The following SYBU variants were observed in gnomAD, a reference collection of about 807,000 sequenced individuals.
The protein encoded by SYBU is syntabulin, also known as GOLSYN A protein.
A neutral mutation model predicts 35.9 loss-of-function variants in SYBU; 21 were observed. That is an observed-to-expected ratio of 0.58 (90% CI 0.41 to 0.84). SYBU has a LOEUF of 0.84. Among genes scored for constraint, SYBU ranks in the 40% least tolerant of loss-of-function variants. The pLI, the probability that SYBU is intolerant of heterozygous loss-of-function variation, is 0.00. For missense variants in SYBU, 768 were observed against 848.2 expected (o/e 0.91, Z 1.17); for synonymous variants, 319 against 324.3 (o/e 0.98, Z 0.18).
intron 3 of SYBU, among the ~76,000 whole-genome samples, chr8:109,601,176 C>T (rs1825476187): frequency 6.6e-6 from 1 of 152,196 alleles, no homozygotes; most frequent in Admixed American, 6.5e-5. Flanking sequence ...CTGCCAAGAA[C>T]TCTACAGCTG....
chr8:109,596,868 TAATGTATTCCATAGGCAAAAAGA>T (rs1824937387), intron 3 of SYBU, among the ~76,000 whole-genome samples: 1 of 152,238 alleles, frequency 6.6e-6, no homozygotes, highest in Non-Finnish European at 1.5e-5. Context: ...CTACTCTTAA[TAATGTATTCCATAGGCAAAAAGA>T]AATGCTCTGT....
At chr8:109,649,020 G>C (rs1183796958), upstream of SYBU, 1 of 55,310 alleles carries the variant, frequency 1.8e-5, no homozygotes, top group Non-Finnish European at 3.2e-5. Flanking sequence ...TTTTTTTTTG[G>C]AGACAGAGTC....
chr8:109,663,881 A>C (rs1411060458), intron 1 of SYBU, among the ~76,000 whole-genome samples: 3 of 152,180 alleles, frequency 2.0e-5, no homozygotes, highest in Admixed American at 6.5e-5. Context: ...TCAGTGTTAA[A>C]ACTTAAAAGT....
intron 3 of SYBU, among the ~76,000 whole-genome samples, chr8:109,589,761 T>C (rs541034006): frequency 6.6e-6 from 1 of 152,348 alleles, no homozygotes; most frequent in African/African-American, 2.4e-5. Flanking sequence ...ACTAGACTTA[T>C]TTTTAAAGCA....
chr8:109,651,128 G>T (rs1279624597), intron 1 of SYBU, among the ~76,000 whole-genome samples: 4 of 152,210 alleles, frequency 2.6e-5, no homozygotes, highest in African/African-American at 9.6e-5. Flanking sequence ...GCTGCTGGAA[G>T]CCTAGAAGTT....
chr8:109,652,376 A>ACT (rs1183197789), intron 1 of SYBU, among the ~76,000 whole-genome samples: 45 of 122,470 alleles, frequency 3.7e-4, no homozygotes, highest in African/African-American at 2.5e-4. Flanking sequence ...TTCTTTTTCT[A>ACT]CTCTCTCTCT....
intron 1 of SYBU, among the ~76,000 whole-genome samples, chr8:109,661,304 A>G (rs563706088): frequency 6.6e-6 from 1 of 152,240 alleles, no homozygotes; most frequent in Non-Finnish European, 1.5e-5. Context: ...ACTATTGGAC[A>G]TGTAAAAGAA....
At chr8:109,611,530 G>T (rs1197524729) in intron 3 of SYBU, among the ~76,000 whole-genome samples, 1 of 152,164 alleles carries the variant, frequency 6.6e-6, no homozygotes, top group Non-Finnish European at 1.5e-5. Flanking sequence ...AAAATGGCCT[G>T]CCATAAAACA....
chr8:109,589,012 T>C (rs1040267098), intron 3 of SYBU, among the ~76,000 whole-genome samples: 1 of 151,900 alleles, frequency 6.6e-6, no homozygotes, highest in Non-Finnish European at 1.5e-5. Context: ...ATACAAAAAT[T>C]AGCTGGGTGT....
chr8:109,680,840 C>G (rs2130783521), exon 1 of SYBU: 1 of 152,356 alleles, frequency 6.6e-6, no homozygotes, highest in East Asian at 1.9e-4. Flanking sequence ...GCTGTGCCTT[C>G]TCTTTAAAGG....
chr8:109,621,966 G>A (rs1263957744), intron 2 of SYBU, among the ~76,000 whole-genome samples: 1 of 152,160 alleles, frequency 6.6e-6, no homozygotes, highest in Non-Finnish European at 1.5e-5. Context: ...TGAAGAAGAA[G>A]TTATCTTTAC....
chr8:109,579,490 T>A (rs1822759865), intron 5 of SYBU, among the ~76,000 whole-genome samples: 1 of 152,108 alleles, frequency 6.6e-6, no homozygotes, highest in African/African-American at 2.4e-5. Flanking sequence ...AGTGGCGTGA[T>A]CTCGGTTCAC....
intron 3 of SYBU, among the ~76,000 whole-genome samples, chr8:109,611,915 A>C (rs1185814578): frequency 6.6e-6 from 1 of 152,210 alleles, no homozygotes; most frequent in Non-Finnish European, 1.5e-5. Context: ...GGACTGTATC[A>C]GCTAATTTAT....
intron 1 of SYBU, among the ~76,000 whole-genome samples, chr8:109,665,778 G>A (rs1586976360): frequency 6.6e-6 from 1 of 152,080 alleles, no homozygotes; most frequent in African/African-American, 2.4e-5. Flanking sequence ...TCCTCCTGCT[G>A]GTACAGTCTC....
At chr8:109,624,283 C>A (rs1392655472) in intron 2 of SYBU, among the ~76,000 whole-genome samples, 2 of 152,080 alleles carry the variant, frequency 1.3e-5, no homozygotes, top group Non-Finnish European at 2.9e-5. Flanking sequence ...ACGAACAATT[C>A]TTTATATTGA....
chr8:109,593,279 G>T (rs572935342), intron 3 of SYBU, among the ~76,000 whole-genome samples: 4 of 152,178 alleles, frequency 2.6e-5, no homozygotes, highest in Admixed American at 1.3e-4. Flanking sequence ...TCTTCAGTGC[G>T]ATGTGAACAA....
intron 3 of SYBU, among the ~76,000 whole-genome samples, chr8:109,591,230 G>A (rs925936981): frequency 6.6e-6 from 1 of 152,156 alleles, no homozygotes; most frequent in Non-Finnish European, 1.5e-5. Context: ...AGAAAAGTGG[G>A]TATGGCAAGT....
upstream of SYBU, chr8:109,647,774 T>C (rs1815858976): frequency 6.6e-6 from 1 of 152,248 alleles, no homozygotes; most frequent in South Asian, 2.1e-4. Flanking sequence ...ATGTGTTCAG[T>C]GACAGCTTTT....
At chr8:109,619,195 C>T (rs919660065) in intron 2 of SYBU, among the ~76,000 whole-genome samples, 156 bp from the exon 3 acceptor site, 16 of 151,988 alleles carry the variant, frequency 1.1e-4, no homozygotes, top group Non-Finnish European at 2.1e-4. Flanking sequence ...CCTCTCATGA[C>T]GCTCCTTTCA....
Sources: allele counts gnomAD v4.1 joint callset (sites outside exome capture counted in the v4.1 genomes callset), GRCh38; gene constraint gnomAD v4.1.1; transcripts MANE v1.5; gene names NCBI Gene and HGNC (gene_info 2026-07-23, HGNC 2026-07-21).